Variants in PIK3C2B observed in about 807,000 individuals in gnomAD.
PIK3C2B encodes the protein phosphatidylinositol-4-phosphate 3-kinase catalytic subunit type 2 beta, also known as phosphatidylinositol 4-phosphate 3-kinase C2 domain-containing subunit beta.
In PIK3C2B, 83 loss-of-function variants were observed where a neutral mutation model predicts 184.3. The observed-to-expected ratio is 0.45, with a 90% CI of 0.38 to 0.54. The LOEUF (loss-of-function observed/expected upper bound fraction) is 0.54, where lower values mean the gene tolerates loss of function less well. PIK3C2B is among the 20% of genes least tolerant of loss of function. PIK3C2B has a pLI of 0.00. For missense variants in PIK3C2B, 1,736 were observed against 2,113.5 expected, an observed-to-expected ratio of 0.82 and a Z score of 3.50; for synonymous variants, 779 against 837.6, an observed-to-expected ratio of 0.93 and a Z score of 1.21.
At chr1:204,449,364 C>T (rs994561375) in intron 13 of PIK3C2B, 68 bp from the exon 14 acceptor site, 2 of 1,199,914 alleles carry the variant, frequency 1.7e-6, no homozygotes, top group Non-Finnish European at 2.4e-6. Flanking sequence ...ACTGCTCCCC[C>T]AATCCAAAAA....
intron 21 of PIK3C2B, 30 bp downstream of exon 21, chr1:204,441,441 G>A (rs1675656209): frequency 6.7e-7 from 1 of 1,482,542 alleles, no homozygotes; most frequent in Non-Finnish European, 9.4e-7. Flanking sequence ...TCCCACCCTG[G>A]TCCACCAGGC....
intron 1 of PIK3C2B, among the ~76,000 whole-genome samples, chr1:204,484,232 T>C (rs191064979): frequency 1.4e-4 from 21 of 152,304 alleles, no homozygotes; most frequent in African/African-American, 4.8e-4. Flanking sequence ...TCTTATTTAG[T>C]CCTCACAACA....
chr1:204,431,077 C>T (rs1675030237), intron 28 of PIK3C2B, among the ~76,000 whole-genome samples: 1 of 152,218 alleles, frequency 6.6e-6, no homozygotes, highest in Non-Finnish European at 1.5e-5. Context: ...CAACCATCGC[C>T]ACTATCCAAC....
At chr1:204,470,156 A>T (rs1274087300) in intron 1 of PIK3C2B, among the ~76,000 whole-genome samples, 1 of 150,728 alleles carries the variant, frequency 6.6e-6, no homozygotes, top group Non-Finnish European at 1.5e-5. Context: ...CCCCAAAAAG[A>T]GAGAGAGGCA....
rs1383170273 is a variant in PIK3C2B at position 204,444,091 on chromosome 1, C to T, written c.2844G>A (p.Leu948=). ...RFLLKRAVSD[L]RVTHYFFWLL... ...ACCAGAAGAAGTAGTGAGTCACTCTCAAGTCAGACACAGCTCGTTTCAGGA... is the reference window on the plus strand; with the variant it reads ...ACCAGAAGAAGTAGTGAGTCACTCTTAAGTCAGACACAGCTCGTTTCAGGA... The change falls in exon 18 of 33, where the codon TTG becomes TTA. Residue 948 remains leucine (L), a synonymous_variant. Transcript: ENST00000684373. The T allele has an allele frequency of 3.1e-6, 5 of 1,613,234 alleles. No homozygotes were observed. The South Asian group carries it at 5.5e-5, about 18-fold the overall frequency.
At chr1:204,428,505 A>C (rs1422300560) in intron 29 of PIK3C2B, among the ~76,000 whole-genome samples, 3 of 152,220 alleles carry the variant, frequency 2.0e-5, no homozygotes, top group East Asian at 3.8e-4. Context: ...TAGGGGGTAC[A>C]GTATTATGAT....
chr1:204,474,149 G>A (rs188868067), intron 1 of PIK3C2B, among the ~76,000 whole-genome samples: 10 of 152,234 alleles, frequency 6.6e-5, no homozygotes, highest in Admixed American at 3.3e-4. Context: ...GCGCCACCAC[G>A]CGCAGCTAAT....
intron 1 of PIK3C2B, among the ~76,000 whole-genome samples, chr1:204,479,661 C>T (rs1193797701): frequency 6.6e-6 from 1 of 152,220 alleles, no homozygotes; most frequent in African/African-American, 2.4e-5. Flanking sequence ...CCCCCATCTA[C>T]CATCCTCCTC....
intron 20 of PIK3C2B, among the ~76,000 whole-genome samples, chr1:204,441,935 T>C (rs3747634): frequency 0.14 from 21,684 of 152,080 alleles, 2,042 homozygotes; most frequent in East Asian, 0.42. Flanking sequence ...GAAGATGAAA[T>C]GCCATAACCA....
At chr1:204,477,181 G>T (rs921187965) in intron 1 of PIK3C2B, among the ~76,000 whole-genome samples, 1 of 152,106 alleles carries the variant, frequency 6.6e-6, no homozygotes, top group African/African-American at 2.4e-5. Context: ...TTGAGTGACC[G>T]CAATTGTCAT....
intron 14 of PIK3C2B, among the ~76,000 whole-genome samples, chr1:204,448,888 T>C (rs1572328246): frequency 6.6e-6 from 1 of 152,106 alleles, no homozygotes; most frequent in East Asian, 1.9e-4. Context: ...CTTAGACGTA[T>C]GAAGATTCAA....
chr1:204,469,471 G>A lies in PIK3C2B; in HGVS notation c.332C>T (p.Pro111Leu), dbSNP rs1409644814. ...GGGCCAGGGATCTGAGCCAGGCTGT[G>A]GCCCTTGGGAGGTAGAGTGGTTGGG... Reference protein sequence around the residue: ...GPPNHSTSQGPQPGSDPWPKG... With the variant: ...GPPNHSTSQGLQPGSDPWPKG... The change falls in exon 2 of 33, where the codon CCA (proline) becomes CTA (leucine). Residue 111 changes from proline to leucine, a missense_variant. Around this residue, in one of 8 missense-constraint regions of PIK3C2B, gnomAD observed 404 missense variants for 418.0 expected, o/e 0.97. Transcript: ENST00000684373. The A allele has an allele frequency of 3.1e-6, 5 of 1,603,140 alleles. No individual in the cohort carries two copies. The South Asian group carries it at 4.5e-5, about 14-fold the overall frequency.
intron 1 of PIK3C2B, among the ~76,000 whole-genome samples, chr1:204,492,401 T>C (rs540967070): frequency 1.3e-5 from 2 of 152,290 alleles, no homozygotes; most frequent in Admixed American, 6.5e-5. Flanking sequence ...GTTCACATCC[T>C]GGGAACATGA....
At chr1:204,490,223 T>C (rs894274799) in intron 1 of PIK3C2B, 4 of 321,422 alleles carry the variant, frequency 1.2e-5, no homozygotes, top group African/African-American at 6.4e-5. Context: ...AGGAGTGAAT[T>C]GCTAAGGCTT....
At chr1:204,429,143 G>A (rs762306609) in intron 29 of PIK3C2B, among the ~76,000 whole-genome samples, 6 of 152,080 alleles carry the variant, frequency 3.9e-5, no homozygotes, top group Admixed American at 1.3e-4. Context: ...TGGGAGGATC[G>A]CTTGAGCCTG....
At chr1:204,480,793 C>T (rs1273035771) in intron 1 of PIK3C2B, among the ~76,000 whole-genome samples, 4 of 151,948 alleles carry the variant, frequency 2.6e-5, no homozygotes, top group African/African-American at 4.8e-5. Flanking sequence ...CCGGCTAAGG[C>T]GCCGACCAGC....
chr1:204,452,830 A>G (rs1462652107), intron 12 of PIK3C2B, among the ~76,000 whole-genome samples: 2 of 150,018 alleles, frequency 1.3e-5, no homozygotes, highest in Non-Finnish European at 3.0e-5. Context: ...CATTTAAAAT[A>G]ATTTTTTAGT....
intron 1 of PIK3C2B, among the ~76,000 whole-genome samples, chr1:204,482,848 C>T (rs369001536): frequency 3.3e-5 from 5 of 152,190 alleles, no homozygotes; most frequent in African/African-American, 9.6e-5. Flanking sequence ...AAGAATATCT[C>T]GATGGGGGGA....
At chr1:204,436,224 G>GTC (rs1400786717) in intron 23 of PIK3C2B, among the ~76,000 whole-genome samples, 2 of 152,206 alleles carry the variant, frequency 1.3e-5, no homozygotes, top group Non-Finnish European at 2.9e-5. Context: ...TCTTCTGGAA[G>GTC]TCATCAAATG....
Sources: gnomAD v4.1 joint callset for allele counts (sites outside exome capture counted in the v4.1 genomes callset) on GRCh38, gnomAD v4.1.1 for gene constraint, gnomAD v4.1.1 regional missense constraint, MANE v1.5 for transcripts, NCBI Gene and HGNC (gene_info 2026-07-23, HGNC 2026-07-21) for gene names.